Variants in AAK1 observed in about 807,000 individuals in gnomAD.
AAK1 encodes the protein AP2 associated kinase 1.
A neutral mutation model predicts 116.0 loss-of-function variants in AAK1; 37 were observed. The observed-to-expected ratio is 0.32, with a 90% CI of 0.25 to 0.42. The LOEUF (loss-of-function observed/expected upper bound fraction) is 0.42. Ranked by LOEUF, AAK1 falls within the 10% of genes least tolerant of loss-of-function variation. The pLI, the probability that AAK1 is intolerant of heterozygous loss-of-function variation, is 1.00. For missense variants in AAK1, 919 were observed against 1,170.6 expected (o/e 0.79, Z 3.14); for synonymous variants, 458 against 439.9 (o/e 1.04, Z -0.51).
At chr2:69,552,294 C>T (rs1230931243) in intron 3 of AAK1, among the ~76,000 whole-genome samples, 1 of 152,152 alleles carries the variant, frequency 6.6e-6, no homozygotes, top group Non-Finnish European at 1.5e-5. Context: ...TGGACCTTCA[C>T]AATTAAGTTC....
Position 69,527,412 on chromosome 2 carries a change from T to G in AAK1, c.872-93A>C. 4 of 837,058 alleles carry G rather than the reference T, an allele frequency of 4.8e-6. No individual in the cohort carries two copies. In the South Asian group the frequency reaches 6.3e-5, roughly 13 times the overall value. The allele number at this position is 837,058 out of a possible 1,614,324, so 51.9% of individuals were successfully genotyped here. On this transcript the variant is annotated intron_variant, in intron 8 of 21. Coordinates refer to ENST00000409085, the MANE Select transcript of AAK1 (RefSeq NM_014911.5). Reference sequence around the variant, plus strand: ...TCCTCTCTCTACTCCCAATGTTTTGTTTTTAAACTTTTATTTTTCATAGAA... The same window carrying G: ...TCCTCTCTCTACTCCCAATGTTTTGGTTTTAAACTTTTATTTTTCATAGAA...
chr2:69,642,442 T>C (rs1253367939), intron 2 of AAK1, among the ~76,000 whole-genome samples: 2 of 152,068 alleles, frequency 1.3e-5, no homozygotes, highest in South Asian at 2.1e-4. Context: ...TGCCTGCTCA[T>C]GGAAGTGGGA....
Position 69,525,033 on chromosome 2 carries a change from C to A in AAK1, c.1055G>T (p.Arg352Ile). Residue 352 changes from arginine (R) to isoleucine (I), a missense_variant and splice_region_variant, in exon 10 of 22, where the codon AGA (arginine) becomes ATA (isoleucine). Arg to Ile is a moderately conservative substitution (Grantham distance 97). Transcript: ENST00000409085. Reference sequence around the variant, plus strand: ...ATGTGTTCATGAAGGCATTTCTTACCTGGCCTTTGGCTGGGTCTTTTTTGC... The same window carrying A: ...ATGTGTTCATGAAGGCATTTCTTACATGGCCTTTGGCTGGGTCTTTTTTGC... ...AAAKKTQPKARLTDPIPTTET... is the reference protein window; with the variant it reads ...AAAKKTQPKAILTDPIPTTET... 1 of 1,613,864 alleles carries A rather than the reference C, an allele frequency of 6.2e-7. No individual in the cohort carries two copies. The highest frequency in any genetic ancestry group is 8.5e-7 in the Non-Finnish European group (1 of 1,179,760).
intron 2 of AAK1, among the ~76,000 whole-genome samples, chr2:69,571,003 T>G (rs1215808968): frequency 6.6e-6 from 1 of 152,030 alleles, no homozygotes; most frequent in Non-Finnish European, 1.5e-5. Flanking sequence ...CCCAACAGAA[T>G]GCCCACCCCC....
At chr2:69,560,501 A>AT (rs899719668) in intron 2 of AAK1, among the ~76,000 whole-genome samples, 23 of 152,254 alleles carry the variant, frequency 1.5e-4, no homozygotes, top group African/African-American at 3.1e-4. Flanking sequence ...GCCTACTGGC[A>AT]TTTTTTGAAA....
intron 8 of AAK1, among the ~76,000 whole-genome samples, chr2:69,527,900 A>G (rs1224992862): frequency 6.6e-6 from 1 of 152,144 alleles, no homozygotes; most frequent in Admixed American, 6.5e-5. Flanking sequence ...AGGGGGAAAA[A>G]AAATTATTTG....
At chr2:69,478,765 T>G (rs1418805870) in intron 20 of AAK1, 186 bp downstream of exon 20, 13 of 527,792 alleles carry the variant, frequency 2.5e-5, no homozygotes, top group Non-Finnish European at 3.4e-5. Context: ...GTCGTCTAAG[T>G]CTTAGTAAAT....
intron 2 of AAK1, among the ~76,000 whole-genome samples, chr2:69,633,018 G>A (rs1196669299): frequency 1.3e-5 from 2 of 151,500 alleles, no homozygotes; most frequent in South Asian, 4.2e-4. Flanking sequence ...GGGTGACAGA[G>A]CAAGACTCCG....
chr2:69,551,855 A>G (rs1671196059), intron 3 of AAK1, among the ~76,000 whole-genome samples: 1 of 152,238 alleles, frequency 6.6e-6, no homozygotes, highest in South Asian at 2.1e-4. Context: ...GGTGGACAGC[A>G]TTTATCAAAA....
chr2:69,632,218 A>G (rs1346222537), intron 2 of AAK1, among the ~76,000 whole-genome samples: 1 of 152,214 alleles, frequency 6.6e-6, no homozygotes, highest in Non-Finnish European at 1.5e-5. Flanking sequence ...AAATATTGCA[A>G]TACTTACTTC....
chr2:69,641,998 G>C (rs1434103263), intron 2 of AAK1, among the ~76,000 whole-genome samples: 1 of 152,120 alleles, frequency 6.6e-6, no homozygotes, highest in African/African-American at 2.4e-5. Flanking sequence ...AAAAGTATGA[G>C]TCTGGCATAA....
intron 2 of AAK1, among the ~76,000 whole-genome samples, chr2:69,600,654 T>C (rs952126582): frequency 6.6e-6 from 1 of 152,200 alleles, no homozygotes; most frequent in Non-Finnish European, 1.5e-5. Context: ...GCTGTGAACA[T>C]TGTTGAAATG....
chr2:69,515,395 G>A (rs1004459679), intron 12 of AAK1, among the ~76,000 whole-genome samples: 6 of 151,904 alleles, frequency 3.9e-5, no homozygotes, highest in Non-Finnish European at 8.8e-5. Context: ...AAGCAATCTC[G>A]GCTCACTGCA....
intron 2 of AAK1, among the ~76,000 whole-genome samples, chr2:69,626,869 A>G (rs1397493837): frequency 1.3e-5 from 2 of 152,084 alleles, no homozygotes; most frequent in Non-Finnish European, 2.9e-5. Flanking sequence ...TCTACCGTCA[A>G]TCATTCTTTC....
chr2:69,472,614 G>A lies in AAK1; in HGVS notation c.*3255C>T, dbSNP rs1008338841. ...CCACTTAAGCCTTATCTCCTCTGAG[G>A]TATGTATTTTTGAAAACATTGGGAC... On this transcript the variant is annotated 3_prime_UTR_variant, in exon 22 of 22. Transcript: ENST00000409085. 32 of 984,984 alleles carry A rather than the reference G, an allele frequency of 3.2e-5. No individual in the cohort carries two copies. The highest frequency in any genetic ancestry group is 3.9e-5 in the Non-Finnish European group (32 of 829,750). 61.0% of individuals were successfully genotyped at this position (984,984 alleles called of 1,614,324 possible).
chr2:69,537,000 G>C (rs1465155115), intron 5 of AAK1, among the ~76,000 whole-genome samples: 7 of 152,216 alleles, frequency 4.6e-5, no homozygotes, highest in East Asian at 3.8e-4. Flanking sequence ...CCTTTCTTAA[G>C]TGCTTGGACA....
At chr2:69,553,511 T>C (rs1356853688) in intron 3 of AAK1, among the ~76,000 whole-genome samples, 1 of 145,508 alleles carries the variant, frequency 6.9e-6, no homozygotes, top group African/African-American at 2.6e-5. Context: ...TGGCGTGATG[T>C]TGGCTCACTG....
In AAK1 at chr2:69,465,580, G is replaced by A. The variant is rs1674458625; in HGVS notation, c.*10289C>T. On this transcript the variant is annotated 3_prime_UTR_variant, in exon 22 of 22. Transcript: ENST00000409085. ...GAAACAATTTTGTAGGCAGCAATGG[G>A]CTGGGCTTCTGGACTTGGCTCGTCT... is the stretch of plus-strand genomic sequence containing the variant. 7.7e-7 allele frequency: 1 copy of A among 1,290,904 alleles called. No homozygotes were observed. Among genetic ancestry groups the A allele is most frequent in the African/African-American group, 1.5e-5 (1 of 65,876 alleles). 80.0% of individuals were successfully genotyped at this position (1,290,904 alleles called of 1,614,324 possible). A position where few individuals can be genotyped will look rare whatever the true frequency, so the allele number is the denominator to read the frequency against.
Position 69,466,775 on chromosome 2 carries a change from G to A in AAK1, c.*9094C>T. The A allele has an allele frequency of 1.0e-6, 1 of 985,394 alleles. No homozygotes were observed. The highest frequency in any genetic ancestry group is 1.2e-6 in the Non-Finnish European group (1 of 829,944). The allele number at this position is 985,394 out of a possible 1,614,324, so 61.0% of individuals were successfully genotyped here. ...GGAACATGATAGGCACGACGTACAG[G>A]AAAGGAGATGAAGATGTTAGGCACA... On this transcript the variant is annotated 3_prime_UTR_variant, in exon 22 of 22. Coordinates refer to ENST00000409085, the MANE Select transcript of AAK1 (RefSeq NM_014911.5).
Sources: allele counts gnomAD v4.1 joint callset (sites outside exome capture counted in the v4.1 genomes callset), GRCh38; gene constraint gnomAD v4.1.1; transcripts MANE v1.5; gene names NCBI Gene and HGNC (gene_info 2026-07-23, HGNC 2026-07-21).